The following HEXB variants were observed in gnomAD, a reference collection of about 807,000 sequenced individuals.
HEXB encodes the protein beta-hexosaminidase subunit beta.
HEXB carries 51 observed loss-of-function variants against 71.2 expected under a neutral mutation model. The ratio of observed to expected loss-of-function variants is 0.72; its 90% CI spans 0.57 to 0.90. The LOEUF is 0.90. HEXB is among the 40% of genes least tolerant of loss of function. HEXB has a pLI of 0.00. For synonymous variants in HEXB, 266 were observed against 249.3 expected (o/e 1.07, Z -0.63); for missense variants, 617 against 677.0 (o/e 0.91, Z 0.98).
At position 74,685,466 on chromosome 5, in the gene HEXB, T is replaced by C. The variant is rs376810812; in HGVS notation, c.206T>C (p.Leu69Pro). 1.2e-6 allele frequency: 2 copies of C among 1,611,526 alleles called. No individual in the cohort carries two copies. Among genetic ancestry groups the C allele is most frequent in the Non-Finnish European group, 1.7e-6 (2 of 1,179,150 alleles). Residue 69 changes from leucine (L) to proline (P), a missense_variant, in exon 1 of 14, where the codon CTG becomes CCG. Physicochemically the swap from Leu to Pro is moderately conservative, Grantham distance 98. Coordinates refer to ENST00000261416, the MANE Select transcript of HEXB (RefSeq NM_000521.4). ...CTCTTGGTGAAGATGACCCCGAACC[T>C]GCTGCATCTCGCCCCGGAGAACTTC... is the stretch of plus-strand genomic sequence containing the variant. ...LPLLVKMTPN[L>P]LHLAPENFYI...
chr5:74,706,989 G>T (rs1407052036), intron 6 of HEXB, among the ~76,000 whole-genome samples: 1 of 152,238 alleles, frequency 6.6e-6, no homozygotes, highest in Non-Finnish European at 1.5e-5. Context: ...CGGGCAGACT[G>T]CCTCCTCAAG....
At chr5:74,671,480 A>G (rs1260796070) in intron 1 of HEXB, among the ~76,000 whole-genome samples, 1 of 151,786 alleles carries the variant, frequency 6.6e-6, no homozygotes, top group Non-Finnish European at 1.5e-5. Context: ...ACCTGTAGTG[A>G]CAGAAAGCAG....
intron 5 of HEXB, among the ~76,000 whole-genome samples, chr5:74,704,804 A>C (rs890881433): frequency 6.6e-6 from 1 of 152,140 alleles, no homozygotes; most frequent in Non-Finnish European, 1.5e-5. Context: ...CTGAAAGATA[A>C]ATTTTAGCCA....
rs1322296612 is a variant in HEXB, at chr5:74,716,659, T to C, written c.1155T>C (p.Ser385=). 1.9e-6 allele frequency: 3 copies of C among 1,599,578 alleles called. No homozygotes were observed. The highest frequency in any genetic ancestry group is 1.3e-5 in the African/African-American group (1 of 74,608). ...GFGTDFKKLE[S]FYIQKVLDII... is the part of the protein sequence containing the mutation. ...GCACAGATTTTAAGAAACTAGAATC[T>C]TTCTACATTCAAAAGTAAGTTGTTT... The change falls in exon 9 of 14, where the codon TCT becomes TCC. Residue 385 remains serine (S), a synonymous_variant. Transcript: ENST00000261416.
At chr5:74,691,786 G>A (rs140192164) in intron 2 of HEXB, among the ~76,000 whole-genome samples, 27 of 152,256 alleles carry the variant, frequency 1.8e-4, no homozygotes, top group South Asian at 1.0e-3. Context: ...AGAATATATA[G>A]ATATGTCATT....
intron 2 of HEXB, 108 bp downstream of exon 2, chr5:74,689,581 G>C: frequency 1.1e-6 from 1 of 876,276 alleles, no homozygotes. Flanking sequence ...CAACCAGTGA[G>C]TTTATGATTC....
At chr5:74,699,481 G>A (rs544542181) in intron 5 of HEXB, among the ~76,000 whole-genome samples, 1 of 151,850 alleles carries the variant, frequency 6.6e-6, no homozygotes, top group South Asian at 2.1e-4. Flanking sequence ...CACCATGTTG[G>A]TCAGGCTGAT....
rs727503959 is a variant in HEXB, at chr5:74,705,325, G to C, written c.771+5G>C. 6.9e-7 allele frequency: 1 copy of C among 1,458,416 alleles called. No homozygotes were observed. Among genetic ancestry groups the C allele is most frequent in the Middle Eastern group, 1.7e-4 (1 of 5,760 alleles). 90.3% of individuals were successfully genotyped at this position (1,458,416 alleles called of 1,614,324 possible). A position where few individuals can be genotyped will look rare whatever the true frequency, so the allele number is the denominator to read the frequency against. On this transcript the variant is annotated splice_donor_5th_base_variant and intron_variant, in intron 6 of 13. Coordinates refer to ENST00000261416, the MANE Select transcript of HEXB (RefSeq NM_000521.4). ...TTTCCTGAGTTAAGCAATAAAGTGA[G>C]TAAATTGTATTGTACTCTGTCTACA...
At chr5:74,707,958 C>T (rs1194616048) in intron 6 of HEXB, among the ~76,000 whole-genome samples, 2 of 151,880 alleles carry the variant, frequency 1.3e-5, no homozygotes, top group African/African-American at 2.4e-5. Flanking sequence ...ACATACTCCT[C>T]GAGAAGAGCA....
At chr5:74,679,866 G>C (rs1748707484) in intron 1 of HEXB, among the ~76,000 whole-genome samples, 2 of 142,910 alleles carry the variant, frequency 1.4e-5, no homozygotes, top group African/African-American at 5.1e-5. Context: ...GCAACCCCAG[G>C]AAAACATGGT....
intron 1 of HEXB, among the ~76,000 whole-genome samples, chr5:74,650,925 CAAAAAAA>C (rs34224491): frequency 1.7e-4 from 16 of 95,502 alleles, no homozygotes; most frequent in African/African-American, 6.0e-4. Flanking sequence ...GACTCTGTCT[CAAAAAAA>C]AAAAAAAAAA....
At chr5:74,712,041 A>T (rs951837501) in intron 6 of HEXB, among the ~76,000 whole-genome samples, 1 of 146,644 alleles carries the variant, frequency 6.8e-6, no homozygotes, top group Admixed American at 7.0e-5. Flanking sequence ...CAAATGTCCA[A>T]CAATGATAGA....
At chr5:74,678,829 A>T (rs889826584) in intron 1 of HEXB, among the ~76,000 whole-genome samples, 1 of 152,230 alleles carries the variant, frequency 6.6e-6, no homozygotes, top group African/African-American at 2.4e-5. Context: ...ACTCCATTTA[A>T]AAATCACCCA....
intron 1 of HEXB, among the ~76,000 whole-genome samples, chr5:74,686,592 A>G (rs1272202043): frequency 6.6e-6 from 1 of 152,206 alleles, no homozygotes. Flanking sequence ...GCAGAGGCCC[A>G]AGATGCTGAT....
chr5:74,703,197 C>A (rs942176258), intron 5 of HEXB, among the ~76,000 whole-genome samples: 1 of 152,254 alleles, frequency 6.6e-6, no homozygotes. Context: ...AGGTGGTCCA[C>A]CCAGCTTGGC....
chr5:74,678,846 T>A (rs1168254998), intron 1 of HEXB, among the ~76,000 whole-genome samples: 1 of 152,032 alleles, frequency 6.6e-6, no homozygotes, highest in East Asian at 1.9e-4. Context: ...CCCATACAAA[T>A]CACTAGAGAA....
At position 74,692,990 on chromosome 5, in the gene HEXB, T is replaced by C. The variant is rs145256409; in HGVS notation, c.446-649T>C. Among the ~76,000 whole-genome samples, 502 of 152,344 alleles carry C rather than the reference T, an allele frequency of 3.3e-3. 2 individuals are homozygous for C. The highest frequency in any genetic ancestry group is 0.011 in the African/African-American group (475 of 41,572). ...GTCCCATTCTGGATGATGTGAACTT[T>C]TAATTGAGTGGGACAAAGCTGAATT... is the stretch of plus-strand genomic sequence containing the variant. On this transcript the variant is annotated intron_variant, in intron 2 of 13. Transcript: ENST00000261416.
chr5:74,685,747 AG>A (rs1748853302), intron 1 of HEXB, among the ~76,000 whole-genome samples, 188 bp downstream of exon 1: 1 of 152,056 alleles, frequency 6.6e-6, no homozygotes, highest in Admixed American at 6.5e-5. Flanking sequence ...CTGCTTCTTA[AG>A]GGACACCTTG....
Position 74,696,729 on chromosome 5 carries a change from C to T in HEXB, c.548C>T (p.Ser183Phe). Residue 183 changes from serine to phenylalanine, a missense_variant, in exon 4 of 14, where the codon TCT (serine) becomes TTT (phenylalanine). Ser to Phe is a radical substitution (Grantham distance 155). Coordinates refer to ENST00000261416, the MANE Select transcript of HEXB (RefSeq NM_000521.4). ...ETFSQLVYQD[S>F]YGTFTINEST... ...TTTAGCCAGTTAGTTTATCAAGATTCTTATGGAACTGTAAGTATGATTATT... is the reference window on the plus strand; with the variant it reads ...TTTAGCCAGTTAGTTTATCAAGATTTTTATGGAACTGTAAGTATGATTATT... The T allele has an allele frequency of 7.0e-7, 1 of 1,437,852 alleles. No homozygotes were observed. The highest frequency in any genetic ancestry group is 9.8e-7 in the Non-Finnish European group (1 of 1,020,772). 89.1% of individuals were successfully genotyped at this position (1,437,852 alleles called of 1,614,324 possible). A position where few individuals can be genotyped will look rare whatever the true frequency, so the allele number is the denominator to read the frequency against.
Sources: gnomAD v4.1 joint callset for allele counts (sites outside exome capture counted in the v4.1 genomes callset) on GRCh38, gnomAD v4.1.1 for gene constraint, MANE v1.5 for transcripts, NCBI Gene and HGNC (gene_info 2026-07-23, HGNC 2026-07-21) for gene names.